Variants in SCN8A observed in about 807,000 individuals in gnomAD.
SCN8A encodes sodium channel protein type 8 subunit alpha.
Under a neutral mutation model 184.1 loss-of-function variants are expected in SCN8A, and 30 were observed. The ratio of observed to expected loss-of-function variants is 0.16; its 90% CI spans 0.12 to 0.22. The LOEUF (loss-of-function observed/expected upper bound fraction) is 0.22. Among genes scored for constraint, SCN8A ranks in the 10% least tolerant of loss-of-function variants. The pLI, the probability that SCN8A is intolerant of heterozygous loss-of-function variation, is 1.00. For missense variants in SCN8A, 1,057 were observed against 2,498.9 expected, an observed-to-expected ratio of 0.42 and a Z score of 12.30; for synonymous variants, 852 against 907.0, an observed-to-expected ratio of 0.94 and a Z score of 1.09.
At chr12:51,698,590 C>T (rs1217857500) in intron 6 of SCN8A, among the ~76,000 whole-genome samples, 1 of 152,214 alleles carries the variant, frequency 6.6e-6, no homozygotes, top group Non-Finnish European at 1.5e-5. Context: ...ATTTTTCTGT[C>T]TCTTCTGTCA....
At chr12:51,747,079 C>G (rs911635800) in intron 13 of SCN8A, among the ~76,000 whole-genome samples, 2 of 130,550 alleles carry the variant, frequency 1.5e-5, no homozygotes, top group African/African-American at 3.1e-5. Flanking sequence ...GCCACTTCTA[C>G]TCTGTGTGTA....
intron 8 of SCN8A, among the ~76,000 whole-genome samples, chr12:51,701,488 C>T (rs889007177): frequency 6.6e-6 from 1 of 152,126 alleles, no homozygotes; most frequent in Non-Finnish European, 1.5e-5. Flanking sequence ...CTTGGGGACT[C>T]CTCTCATCCT....
At chr12:51,642,935 G>T (rs571617003) in intron 1 of SCN8A, among the ~76,000 whole-genome samples, 1 of 152,022 alleles carries the variant, frequency 6.6e-6, no homozygotes, top group African/African-American at 2.4e-5. Flanking sequence ...AGAGCAAAAA[G>T]CACACAAGCC....
At chr12:51,758,612 A>T (rs1379444402) in intron 14 of SCN8A, among the ~76,000 whole-genome samples, 1 of 151,964 alleles carries the variant, frequency 6.6e-6, no homozygotes, top group Admixed American at 6.6e-5. Flanking sequence ...TAATTTTTGT[A>T]TTTTTAGTAG....
chr12:51,735,298 TTAA>T (rs1163640063), intron 12 of SCN8A, among the ~76,000 whole-genome samples: 9 of 152,318 alleles, frequency 5.9e-5, no homozygotes, highest in African/African-American at 1.9e-4. Flanking sequence ...AGGGGACCAA[TTAA>T]TAATGATTCC....
At chr12:51,616,268 A>C (rs1035095966) in intron 1 of SCN8A, among the ~76,000 whole-genome samples, 4 of 152,160 alleles carry the variant, frequency 2.6e-5, no homozygotes, top group African/African-American at 9.7e-5. Context: ...ATCTTTTAAA[A>C]ATATTTTCAC....
chr12:51,797,461 G>A (rs1473636998), intron 26 of SCN8A, among the ~76,000 whole-genome samples: 2 of 152,188 alleles, frequency 1.3e-5, no homozygotes, highest in African/African-American at 4.8e-5. Flanking sequence ...TCACGTGGTC[G>A]TAGCTGGTAT....
At chr12:51,765,642 T>C (rs1261626087) in intron 15 of SCN8A, 29 bp from the exon 16 acceptor site, 1 of 1,295,308 alleles carries the variant, frequency 7.7e-7, no homozygotes, top group East Asian at 2.5e-5. Flanking sequence ...TATCATTTAT[T>C]TTTTTGTTTG....
intron 1 of SCN8A, among the ~76,000 whole-genome samples, chr12:51,629,323 ACTAGTAATTCTTC>A (rs1176742357): frequency 6.6e-6 from 1 of 152,132 alleles, no homozygotes; most frequent in Non-Finnish European, 1.5e-5. Context: ...GACATTTTGA[ACTAGTAATTCTTC>A]CTTGTGGGGC....
chr12:51,747,981 T>C (rs1057370623), intron 13 of SCN8A, among the ~76,000 whole-genome samples: 6 of 152,240 alleles, frequency 3.9e-5, no homozygotes, highest in Non-Finnish European at 7.3e-5. Context: ...GATTTTCACA[T>C]AGTTATACCT....
intron 9 of SCN8A, among the ~76,000 whole-genome samples, chr12:51,704,080 C>CG (rs1565892986): frequency 6.6e-6 from 1 of 151,478 alleles, no homozygotes; most frequent in East Asian, 2.0e-4. Flanking sequence ...TTAATAGAGA[C>CG]GGGGTTTCAC....
rs180835762 is a variant in SCN8A, at chr12:51,689,529, T to C, written c.706+433T>C. ...TATTCAAAGAATTATACATTTACTA[T>C]TACTATATTAATGAAATTTTTTAAT... On this transcript the variant is annotated intron_variant, in intron 6 of 26. Transcript: ENST00000627620. The C allele has an allele frequency of 2.0e-3, 313 of 159,842 alleles. 2 individuals are homozygous for C. The highest frequency in any genetic ancestry group is 6.9e-3 in the African/African-American group (287 of 41,642). The allele number at this position is 159,842 out of a possible 1,614,324, so 9.9% of individuals were successfully genotyped here.
rs374923832 is a variant in SCN8A at position 51,611,560 on chromosome 12, T to C, written c.-55+20201T>C. 1.1e-4 allele frequency among the ~76,000 whole-genome samples: 17 copies of C among 151,630 alleles called. No homozygotes were observed. The East Asian group carries it at 1.8e-3, about 16-fold the overall frequency. On this transcript the variant is annotated intron_variant, in intron 1 of 26. Transcript: ENST00000627620. ...TTGCCCAGTCTGGAGTGCAGTGGTG[T>C]GATCTCGGCTCACTGCAACCTCTGC...
At position 51,811,372 on chromosome 12, in the gene SCN8A, C is replaced by T. The variant is rs1037983339; in HGVS notation, c.*3943C>T. On this transcript the variant is annotated 3_prime_UTR_variant, in exon 27 of 27. Transcript: ENST00000627620. ...AGAGGCCCATAAAACCTCTCTTCAC[C>T]TAATCCACCTGGCAGAGCCCTCAGA... The T allele has an allele frequency of 1.3e-5, 2 of 152,252 alleles. No homozygotes were observed. Among genetic ancestry groups the T allele is most frequent in the African/African-American group, 4.8e-5 (2 of 41,454 alleles). The allele number at this position is 152,252 out of a possible 1,614,324, so 9.4% of individuals were successfully genotyped here. A position where few individuals can be genotyped will look rare whatever the true frequency, so the allele number is the denominator to read the frequency against.
chr12:51,653,221 G>C (rs1281934629), intron 1 of SCN8A, among the ~76,000 whole-genome samples: 3 of 152,148 alleles, frequency 2.0e-5, no homozygotes, highest in Non-Finnish European at 4.4e-5. Context: ...TTGGGAGGCT[G>C]AGACAGGAGA....
chr12:51,744,275 C>T (rs1233055215), intron 12 of SCN8A, among the ~76,000 whole-genome samples: 2 of 152,238 alleles, frequency 1.3e-5, no homozygotes, highest in Admixed American at 1.3e-4. Flanking sequence ...TGCATTCCAG[C>T]CCGAGCGACA....
intron 20 of SCN8A, 51 bp from the exon 21 acceptor site, chr12:51,780,598 T>TTTTTTTTTTTTC: frequency 2.6e-6 from 1 of 387,350 alleles, no homozygotes; most frequent in Non-Finnish European, 4.3e-6. Flanking sequence ...TTTTTTTTTT[T>TTTTTTTTTTTTC]TTTTTTGGTT....
chr12:51,637,816 A>G (rs1357940562), intron 1 of SCN8A, among the ~76,000 whole-genome samples: 1 of 152,202 alleles, frequency 6.6e-6, no homozygotes, highest in Non-Finnish European at 1.5e-5. Flanking sequence ...TGACCATACT[A>G]AACAATGGAT....
intron 1 of SCN8A, among the ~76,000 whole-genome samples, chr12:51,597,073 G>A (rs79666931): frequency 0.016 from 2,416 of 152,220 alleles, 66 homozygotes; most frequent in African/African-American, 0.055. Flanking sequence ...TAATAGTTAA[G>A]ATTTTCCTTG....
Sources: gnomAD v4.1 joint callset for allele counts (sites outside exome capture counted in the v4.1 genomes callset) on GRCh38, gnomAD v4.1.1 for gene constraint, MANE v1.5 for transcripts, NCBI Gene and HGNC (gene_info 2026-07-23, HGNC 2026-07-21) for gene names.